Variants in SULF2 observed in about 807,000 individuals in gnomAD.
The protein encoded by SULF2 is extracellular sulfatase Sulf-2.
In SULF2, 52 loss-of-function variants were observed where a neutral mutation model predicts 107.7. The observed-to-expected ratio is 0.48, with a 90% confidence interval of 0.39 to 0.61. The LOEUF is 0.61. SULF2 is among the 20% of genes least tolerant of loss of function. The pLI, the probability that SULF2 is intolerant of heterozygous loss-of-function variation, is 0.00. For synonymous variants in SULF2, 460 were observed against 464.3 expected (o/e 0.99, Z 0.12); for missense variants, 993 against 1,177.3 (o/e 0.84, Z 2.29).
chr20:47,713,046 C>G (rs919092307), intron 3 of SULF2, among the ~76,000 whole-genome samples: 2 of 151,240 alleles, frequency 1.3e-5, no homozygotes, highest in African/African-American at 4.9e-5. Flanking sequence ...GTCTGGGGGG[C>G]AGGGGTGGGG....
chr20:47,713,457 A>C (rs1219907812), intron 3 of SULF2, among the ~76,000 whole-genome samples: 2 of 152,218 alleles, frequency 1.3e-5, no homozygotes, highest in Non-Finnish European at 2.9e-5. Context: ...ACAGGGTTGC[A>C]GTGTGGCTTT....
At chr20:47,719,576 C>A (rs1600565769) in intron 3 of SULF2, among the ~76,000 whole-genome samples, 1 of 152,188 alleles carries the variant, frequency 6.6e-6, no homozygotes, top group East Asian at 1.9e-4. Context: ...GAAATAAGCA[C>A]CTATCATCTC....
At chr20:47,767,126 C>G (rs1293432664) in intron 1 of SULF2, among the ~76,000 whole-genome samples, 1 of 152,186 alleles carries the variant, frequency 6.6e-6, no homozygotes, top group Non-Finnish European at 1.5e-5. Context: ...AGCTCCGTCA[C>G]TTACTAGAGG....
chr20:47,703,938 A>G (rs965260570), intron 3 of SULF2, among the ~76,000 whole-genome samples: 1 of 152,236 alleles, frequency 6.6e-6, no homozygotes, highest in African/African-American at 2.4e-5. Context: ...GACGTCATCT[A>G]TGTGAAATTT....
At chr20:47,735,138 G>A (rs552118375) in intron 3 of SULF2, among the ~76,000 whole-genome samples, 1 of 152,100 alleles carries the variant, frequency 6.6e-6, no homozygotes, top group Non-Finnish European at 1.5e-5. Flanking sequence ...CTCTGGGCAG[G>A]TCTCTTTTTT....
chr20:47,771,717 G>T (rs992198978), intron 1 of SULF2, among the ~76,000 whole-genome samples: 1 of 152,102 alleles, frequency 6.6e-6, no homozygotes, highest in Non-Finnish European at 1.5e-5. Context: ...GGGCGGGGGC[G>T]GGGGCAGTGA....
chr20:47,724,885 G>A (rs562385242), intron 3 of SULF2, among the ~76,000 whole-genome samples: 61 of 152,252 alleles, frequency 4.0e-4, no homozygotes, highest in African/African-American at 1.4e-3. Context: ...TTTGTAGAGC[G>A]CCCTTGTTTT....
intron 17 of SULF2, 57 bp from the exon 18 acceptor site, chr20:47,661,953 C>A: frequency 7.1e-7 from 1 of 1,404,878 alleles, no homozygotes; most frequent in South Asian, 1.8e-5. Flanking sequence ...CTCGCCCTGC[C>A]CTTCTACCAA....
At chr20:47,702,080 C>CA (rs1860049308) in intron 4 of SULF2, among the ~76,000 whole-genome samples, 1 of 152,146 alleles carries the variant, frequency 6.6e-6, no homozygotes, top group Non-Finnish European at 1.5e-5. Flanking sequence ...TTTTTAAAGA[C>CA]AGAGTCTTGC....
intron 3 of SULF2, among the ~76,000 whole-genome samples, chr20:47,711,972 G>A (rs77325276): frequency 0.031 from 4,750 of 152,226 alleles, 234 homozygotes; most frequent in African/African-American, 0.1. Flanking sequence ...CACAATGCAT[G>A]AATATACAGG....
Position 47,769,201 on chromosome 20 carries a change from C to T in SULF2, c.-100-11738G>A, listed in dbSNP as rs183756515. Among the ~76,000 whole-genome samples, 419 of 152,118 alleles carry T rather than the reference C, an allele frequency of 2.8e-3. 3 individuals carry two copies. The highest frequency in any genetic ancestry group is 9.6e-3 in the African/African-American group (398 of 41,504). On this transcript the variant is annotated intron_variant, in intron 1 of 20. Transcript: ENST00000688720. ...AACTACAGGTGCCCACCACCACGCCCGCTAATTTTTTTGTATTTTTAGTAG... is the reference window on the plus strand; with the variant it reads ...AACTACAGGTGCCCACCACCACGCCTGCTAATTTTTTTGTATTTTTAGTAG...
At position 47,746,994 on chromosome 20, in the gene SULF2, A is replaced by ATAT. The variant is rs1555853891; in HGVS notation, c.176-10053_176-10052insATA. ...GAACTTAAATAAATAAAAAAAAAAAAATATATATATATATATATATATATA... is the reference window on the plus strand; with the variant it reads ...GAACTTAAATAAATAAAAAAAAAAAATATATATATATATATATATATATATATA... On this transcript the variant is annotated intron_variant, in intron 2 of 20. Coordinates refer to ENST00000688720, the MANE Select transcript of SULF2 (RefSeq NM_001387048.1). Among the ~76,000 whole-genome samples the ATAT allele has an allele frequency of 5.9e-3, 778 of 131,766 alleles. 5 individuals carry two copies. Among genetic ancestry groups the ATAT allele is most frequent in the Non-Finnish European group, 9.0e-3 (555 of 61,352 alleles). 86.4% of individuals were successfully genotyped at this position (131,766 alleles called of 152,430 possible). A position where few individuals can be genotyped will look rare whatever the true frequency, so the allele number is the denominator to read the frequency against.
At position 47,678,530 on chromosome 20, in the gene SULF2, G is replaced by C; in HGVS notation, c.1193+146C>G. Reference sequence around the variant, plus strand: ...GAGGGGACCATGCTTCTCTCCCACAGCAGGTAAGTGGTTGGCATGGCGGGA... The same window carrying C: ...GAGGGGACCATGCTTCTCTCCCACACCAGGTAAGTGGTTGGCATGGCGGGA... On this transcript the variant is annotated intron_variant, in intron 8 of 20. Coordinates refer to ENST00000688720, the MANE Select transcript of SULF2 (RefSeq NM_001387048.1). The surrounding 1 kb of genome is among the most constrained non-coding windows in gnomAD (Gnocchi z 4.5). 4.4e-5 allele frequency: 44 copies of C among 993,630 alleles called. No individual in the cohort carries two copies. Among genetic ancestry groups the C allele is most frequent in the Non-Finnish European group, 5.8e-5 (39 of 670,338 alleles). The allele number at this position is 993,630 out of a possible 1,614,324, so 61.6% of individuals were successfully genotyped here.
chr20:47,748,168 C>T (rs894437304), intron 2 of SULF2, among the ~76,000 whole-genome samples: 3 of 152,218 alleles, frequency 2.0e-5, no homozygotes, highest in African/African-American at 4.8e-5. Flanking sequence ...TCTCCCCTGT[C>T]TGCTCTCTGC....
intron 1 of SULF2, among the ~76,000 whole-genome samples, 178 bp from the exon 2 acceptor site, chr20:47,757,641 G>C (rs2090325670): frequency 6.6e-6 from 1 of 152,104 alleles, no homozygotes. Flanking sequence ...CAGTTTGCTT[G>C]GTCAACAGAC....
intron 7 of SULF2, among the ~76,000 whole-genome samples, chr20:47,682,748 C>T (rs571166187): frequency 1.3e-5 from 2 of 152,280 alleles, no homozygotes; most frequent in East Asian, 3.9e-4. Flanking sequence ...CGTATACAGC[C>T]CAGCTCCCTG....
chr20:47,711,040 CAG>C (rs1365641420), intron 3 of SULF2, among the ~76,000 whole-genome samples: 1 of 152,184 alleles, frequency 6.6e-6, no homozygotes, highest in Non-Finnish European at 1.5e-5. Context: ...AAACCTGGCA[CAG>C]GGGCACACAC....
intron 9 of SULF2, 46 bp from the exon 10 acceptor site, chr20:47,676,669 G>A: frequency 1.9e-6 from 3 of 1,545,132 alleles, no homozygotes; most frequent in Non-Finnish European, 2.6e-6. Context: ...TCTCAGCTCT[G>A]GAGGAGCCCC....
chr20:47,726,506 C>G (rs1003479230), intron 3 of SULF2, among the ~76,000 whole-genome samples: 2 of 152,158 alleles, frequency 1.3e-5, no homozygotes, highest in African/African-American at 4.8e-5. Context: ...CAGCCATAGG[C>G]TCTATTCTCC....
Sources: gnomAD v4.1 joint callset for allele counts (sites outside exome capture counted in the v4.1 genomes callset) on GRCh38, gnomAD v4.1.1 for gene constraint, Gnocchi (gnomAD v3.1) non-coding constraint, MANE v1.5 for transcripts, NCBI Gene and HGNC (gene_info 2026-07-23, HGNC 2026-07-21) for gene names.